The following ATP8B2 variants were observed in gnomAD, a reference collection of about 807,000 sequenced individuals.
ATP8B2 encodes the protein phospholipid-transporting ATPase ID.
In ATP8B2, 70 loss-of-function variants were observed where a neutral mutation model predicts 133.4. That is an observed-to-expected ratio of 0.52 (90% CI 0.43 to 0.64). The LOEUF (loss-of-function observed/expected upper bound fraction) is 0.64, where lower values mean the gene tolerates loss of function less well. Among genes scored for constraint, ATP8B2 ranks in the 30% least tolerant of loss-of-function variants. The pLI, the probability that ATP8B2 is intolerant of heterozygous loss-of-function variation, is 0.00. For synonymous variants in ATP8B2, 517 were observed against 589.5 expected, an observed-to-expected ratio of 0.88 and a Z score of 1.78; for missense variants, 1,101 against 1,535.7, an observed-to-expected ratio of 0.72 and a Z score of 4.73.
intron 26 of ATP8B2, among the ~76,000 whole-genome samples, chr1:154,347,993 G>A (rs1167446169): frequency 7.0e-6 from 1 of 142,608 alleles, no homozygotes; most frequent in Non-Finnish European, 1.5e-5. Context: ...CCAAAGAAGA[G>A]AGAGAAATGA....
rs1050193940 is a variant in ATP8B2 at position 154,340,928 on chromosome 1, C to T, written c.1109C>T (p.Thr370Met). ...DKKMFCMKKR[T>M]PAEARTTTLN... The stretch of plus-strand genomic sequence containing the variant: ...AAGATGTTCTGCATGAAGAAGCGGA[C>T]GCCTGCAGAAGCCCGCACCACCACC... Residue 370 changes from threonine (T) to methionine (M), a missense_variant, in exon 13 of 28, where the codon ACG (threonine) becomes ATG (methionine). Coordinates refer to ENST00000368489, the MANE Select transcript of ATP8B2 (RefSeq NM_001370597.1). The surrounding 1 kb of genome is among the most constrained non-coding windows in gnomAD (Gnocchi z 4.0). 19 of 1,614,030 alleles carry T rather than the reference C, an allele frequency of 1.2e-5. No individual in the cohort carries two copies. Among genetic ancestry groups the T allele is most frequent in the East Asian group, 2.2e-5 (1 of 44,888 alleles).
At position 154,343,097 on chromosome 1, in the gene ATP8B2, C is replaced by T. The variant is rs770686961; in HGVS notation, c.1454-16C>T. On this transcript the variant is annotated splice_polypyrimidine_tract_variant and intron_variant, in intron 15 of 27. Transcript: ENST00000368489. This position sits in a 1 kb window ranked among gnomAD's most constrained non-coding sequence, Gnocchi z 5.8. ...GGAAGCCACTTATATCACGTGTATTCTTCCTCCCCACCCAGGAGAGCTGTA... is the reference window on the plus strand; with the variant it reads ...GGAAGCCACTTATATCACGTGTATTTTTCCTCCCCACCCAGGAGAGCTGTA... 22 of 1,607,950 alleles carry T rather than the reference C, an allele frequency of 1.4e-5. No homozygotes were observed. In the East Asian group the frequency reaches 4.9e-4, roughly 36 times the overall value.
intron 9 of ATP8B2, among the ~76,000 whole-genome samples, chr1:154,333,485 C>A (rs558154337): frequency 6.9e-6 from 1 of 144,268 alleles, no homozygotes; most frequent in South Asian, 2.2e-4. Context: ...GCGTGGGCAA[C>A]ACAGTGAGAC....
chr1:154,326,234 C>T (rs756748858), intron 1 of ATP8B2, among the ~76,000 whole-genome samples: 17 of 152,088 alleles, frequency 1.1e-4, no homozygotes, highest in Admixed American at 3.9e-4. Flanking sequence ...GGAAGGTGGC[C>T]CGAGCTCGTG....
intron 2 of ATP8B2, chr1:154,329,032 G>A: frequency 7.7e-7 from 1 of 1,303,700 alleles, no homozygotes; most frequent in African/African-American, 1.5e-5. Flanking sequence ...CCCGGGCCCA[G>A]GCGCCTCCCT....
chr1:154,339,658 C>T lies in ATP8B2; in HGVS notation c.1035-1196C>T, dbSNP rs1180757762. 2.0e-5 allele frequency among the ~76,000 whole-genome samples: 3 copies of T among 151,934 alleles called. No homozygotes were observed. In the East Asian group the frequency reaches 5.8e-4, roughly 29 times the overall value. On this transcript the variant is annotated intron_variant, in intron 12 of 27. Coordinates refer to ENST00000368489, the MANE Select transcript of ATP8B2 (RefSeq NM_001370597.1). ...GTCACAGTGTGTATGTTTCGGGAGGCTAAGAGGGGGTTGAAGAGCTGTGTG... is the reference window on the plus strand; with the variant it reads ...GTCACAGTGTGTATGTTTCGGGAGGTTAAGAGGGGGTTGAAGAGCTGTGTG...
chr1:154,342,593 G>A (rs887066514), intron 14 of ATP8B2, 70 bp downstream of exon 14: 1 of 1,528,430 alleles, frequency 6.5e-7, no homozygotes, highest in African/African-American at 1.4e-5. Flanking sequence ...GTGTAGTCAG[G>A]AGTGATGTGT....
intron 12 of ATP8B2, among the ~76,000 whole-genome samples, chr1:154,339,684 A>G (rs1686310977): frequency 6.6e-6 from 1 of 152,156 alleles, no homozygotes; most frequent in African/African-American, 2.4e-5. Context: ...GAGCTGTGTG[A>G]GGAAAAGGCC....
chr1:154,348,676 C>T, intron 27 of ATP8B2, 138 bp downstream of exon 27: 1 of 1,408,912 alleles, frequency 7.1e-7, no homozygotes, highest in Non-Finnish European at 9.5e-7. Flanking sequence ...GGGACAGACA[C>T]CCTGTGCAGC....
At position 154,344,472 on chromosome 1, in the gene ATP8B2, A is replaced by G; in HGVS notation, c.2113A>G (p.Thr705Ala). The G allele has an allele frequency of 6.2e-7, 1 of 1,614,158 alleles. No homozygotes were observed. The highest frequency in any genetic ancestry group is 8.5e-7 in the Non-Finnish European group (1 of 1,180,024). Residue 705 changes from threonine to alanine, a missense_variant, in exon 20 of 28, where the codon ACT becomes GCT. Coordinates refer to ENST00000368489, the MANE Select transcript of ATP8B2 (RefSeq NM_001370597.1). The surrounding 1 kb of genome is among the most constrained non-coding windows in gnomAD (Gnocchi z 4.1). The stretch of plus-strand genomic sequence containing the variant: ...TGAGGTTTTCATAGTCACTGGCCAT[A>G]CTGTCCTGGAGGTGCGGGAGGAGCT... ...MTEVFIVTGH[T>A]VLEVREELRK...
Position 154,346,387 on chromosome 1 carries a change from G to A in ATP8B2, c.2935G>A (p.Ala979Thr), listed in dbSNP as rs1266811515. The change falls in exon 25 of 28, where the codon GCC becomes ACC. Residue 979 changes from alanine to threonine, a missense_variant. Ala to Thr is a moderately conservative substitution (Grantham distance 58). Coordinates refer to ENST00000368489, the MANE Select transcript of ATP8B2 (RefSeq NM_001370597.1). The surrounding 1 kb of genome is among the most constrained non-coding windows in gnomAD (Gnocchi z 4.5). The part of the protein sequence containing the change: ...FFIPYGVFAD[A>T]TRDDGTQLAD... Reference sequence around the variant, plus strand: ...CATTCCCTATGGGGTGTTTGCTGATGCCACCCGGGATGATGGCACTCAGCT... The same window carrying A: ...CATTCCCTATGGGGTGTTTGCTGATACCACCCGGGATGATGGCACTCAGCT... The A allele has an allele frequency of 6.2e-7, 1 of 1,614,064 alleles. No individual in the cohort carries two copies. The highest frequency in any genetic ancestry group is 8.5e-7 in the Non-Finnish European group (1 of 1,180,040).
Position 154,343,711 on chromosome 1 carries a change from T to C in ATP8B2, c.1758+143T>C. ...ATATATAGTGAAGTGATTACTACAG[T>C]CAGACAACTTAACACATCAGCCAGC... On this transcript the variant is annotated intron_variant, in intron 17 of 27. Coordinates refer to ENST00000368489, the MANE Select transcript of ATP8B2 (RefSeq NM_001370597.1). This position sits in a 1 kb window ranked among gnomAD's most constrained non-coding sequence, Gnocchi z 5.8. 2 of 992,706 alleles carry C rather than the reference T, an allele frequency of 2.0e-6. No individual in the cohort carries two copies. 61.5% of individuals were successfully genotyped at this position (992,706 alleles called of 1,614,324 possible).
At chr1:154,347,958 G>T (rs1686643713) in intron 26 of ATP8B2, among the ~76,000 whole-genome samples, 1 of 146,254 alleles carries the variant, frequency 6.8e-6, no homozygotes, top group African/African-American at 2.5e-5. Flanking sequence ...AAAAAAAAAT[G>T]GAACCAATAG....
intron 2 of ATP8B2, among the ~76,000 whole-genome samples, chr1:154,330,157 C>T (rs1406798963): frequency 1.3e-5 from 2 of 151,998 alleles, no homozygotes; most frequent in Non-Finnish European, 2.9e-5. Flanking sequence ...CAGTGGAAGA[C>T]CTTGAAGTTT....
Position 154,331,818 on chromosome 1 carries a change from C to A in ATP8B2, c.439-136C>A. On this transcript the variant is annotated intron_variant, in intron 7 of 27. Coordinates refer to ENST00000368489, the MANE Select transcript of ATP8B2 (RefSeq NM_001370597.1). This position sits in a 1 kb window ranked among gnomAD's most constrained non-coding sequence, Gnocchi z 4.8. ...TCACACCAGGGGCTTCTGTGTCATG[C>A]TGATATGCCTGGAACTAGCCATTTA... is the stretch of plus-strand genomic sequence containing the variant. 3 of 1,287,542 alleles carry A rather than the reference C, an allele frequency of 2.3e-6. No homozygotes were observed. Among genetic ancestry groups the A allele is most frequent in the South Asian group, 1.2e-5 (1 of 82,474 alleles). 79.8% of individuals were successfully genotyped at this position (1,287,542 alleles called of 1,614,324 possible).
rs762710623 is a variant in ATP8B2 at position 154,348,399 on chromosome 1, C to T, written c.3164-9C>T. 2 of 1,595,708 alleles carry T rather than the reference C, an allele frequency of 1.3e-6. No individual in the cohort carries two copies. The highest frequency in any genetic ancestry group is 2.3e-5 in the East Asian group (1 of 44,328). On this transcript the variant is annotated splice_polypyrimidine_tract_variant and intron_variant, in intron 26 of 27. Coordinates refer to ENST00000368489, the MANE Select transcript of ATP8B2 (RefSeq NM_001370597.1). The stretch of plus-strand genomic sequence containing the variant: ...ACTCCCAAGGCCACTGACTCCTCTT[C>T]ATCCCCAGGGAATGCCCAGAACACC...
intron 9 of ATP8B2, among the ~76,000 whole-genome samples, chr1:154,333,540 C>G (rs952980170): frequency 2.0e-5 from 3 of 151,444 alleles, no homozygotes; most frequent in Non-Finnish European, 4.4e-5. Context: ...CTCTTCCTTC[C>G]TCTTCTACCC....
rs1686496623 is a variant in ATP8B2 at position 154,344,085 on chromosome 1, G to A, written c.1923+28G>A. On this transcript the variant is annotated intron_variant, in intron 18 of 27. Transcript: ENST00000368489. The surrounding 1 kb of genome is among the most constrained non-coding windows in gnomAD (Gnocchi z 4.1). ...ACGGGCTGCGGGACGGGCCAAGGATGGGCACGGAGGGCTCATGCCTGCAAT... is the reference window on the plus strand; with the variant it reads ...ACGGGCTGCGGGACGGGCCAAGGATAGGCACGGAGGGCTCATGCCTGCAAT... 6.2e-7 allele frequency: 1 copy of A among 1,614,152 alleles called. No homozygotes were observed. The highest frequency in any genetic ancestry group is 1.1e-5 in the South Asian group (1 of 91,080).
chr1:154,334,469 T>C lies in ATP8B2; in HGVS notation c.749-34T>C. 1 of 1,608,030 alleles carries C rather than the reference T, an allele frequency of 6.2e-7. No homozygotes were observed. The highest frequency in any genetic ancestry group is 8.5e-7 in the Non-Finnish European group (1 of 1,174,660). On this transcript the variant is annotated intron_variant, in intron 10 of 27. Coordinates refer to ENST00000368489, the MANE Select transcript of ATP8B2 (RefSeq NM_001370597.1). The surrounding 1 kb of genome is among the most constrained non-coding windows in gnomAD (Gnocchi z 4.6). ...CAGAAGCCCAGAGGCAGATGTGTTA[T>C]TTGGCTTTCCCAGCCCTTCCCATTC...
Sources: gnomAD v4.1 joint callset for allele counts (sites outside exome capture counted in the v4.1 genomes callset) on GRCh38, gnomAD v4.1.1 for gene constraint, Gnocchi (gnomAD v3.1) non-coding constraint, MANE v1.5 for transcripts, NCBI Gene and HGNC (gene_info 2026-07-23, HGNC 2026-07-21) for gene names.